The following CASC3 variants were observed in gnomAD, a reference collection of about 807,000 sequenced individuals.
The protein encoded by CASC3 is CASC3 exon junction complex subunit, also known as protein CASC3.
CASC3 carries 30 observed loss-of-function variants against 80.5 expected under a neutral mutation model. The observed-to-expected ratio is 0.37, with a 90% CI of 0.28 to 0.51. CASC3 has a LOEUF of 0.51. CASC3 is among the 20% of genes least tolerant of loss of function. CASC3 has a pLI of 0.94. For synonymous variants in CASC3, 312 were observed against 333.6 expected (o/e 0.94, Z 0.70); for missense variants, 824 against 922.2 (o/e 0.89, Z 1.38).
At chr17:40,168,750 C>T (rs572025074) in intron 11 of CASC3, 13 of 301,654 alleles carry the variant, frequency 4.3e-5, no homozygotes, top group South Asian at 1.2e-4. Context: ...CCACCATGCC[C>T]GGCTAGTTTT....
chr17:40,141,149 T>C (rs1567674717), intron 1 of CASC3, 58 bp from the exon 2 acceptor site: 4 of 1,516,734 alleles, frequency 2.6e-6, no homozygotes, highest in Admixed American at 1.7e-5. Flanking sequence ...CATTTCTTTA[T>C]TGGGCTCCCC....
intron 8 of CASC3, chr17:40,167,086 C>T (rs938520566): frequency 1.5e-5 from 8 of 528,632 alleles, no homozygotes; most frequent in South Asian, 5.4e-5. Flanking sequence ...CTCAGCCTCC[C>T]GAGTAGCTGG....
chr17:40,157,363 A>T (rs142290713), intron 3 of CASC3, among the ~76,000 whole-genome samples: 2,336 of 147,892 alleles, frequency 0.016, 24 homozygotes, highest in African/African-American at 0.035. Flanking sequence ...ATAAATAAAT[A>T]AATAAATTAA....
chr17:40,141,097 C>G, intron 1 of CASC3, 110 bp from the exon 2 acceptor site: 1 of 1,020,072 alleles, frequency 9.8e-7, no homozygotes, highest in Non-Finnish European at 1.6e-6. Flanking sequence ...TCTCTGTCTC[C>G]CTCTCCAACC....
At chr17:40,165,904 C>T (rs1003304534) in intron 7 of CASC3, among the ~76,000 whole-genome samples, 3 of 151,608 alleles carry the variant, frequency 2.0e-5, no homozygotes, top group African/African-American at 7.3e-5. Flanking sequence ...TAGCTAAGAT[C>T]ATAAGCACAC....
chr17:40,148,381 T>C (rs1485462737), intron 3 of CASC3, among the ~76,000 whole-genome samples: 3 of 151,994 alleles, frequency 2.0e-5, no homozygotes, highest in Admixed American at 2.0e-4. Flanking sequence ...TTTTTTTTTT[T>C]TAAGACAGAG....
chr17:40,162,937 A>G, intron 6 of CASC3, 36 bp downstream of exon 6: 1 of 1,595,012 alleles, frequency 6.3e-7, no homozygotes, highest in Admixed American at 1.7e-5. Flanking sequence ...CAGGCTGGGT[A>G]TGGTGGCTTA....
At chr17:40,165,829 G>C (rs932607828) in intron 7 of CASC3, among the ~76,000 whole-genome samples, 1 of 149,438 alleles carries the variant, frequency 6.7e-6, no homozygotes, top group Non-Finnish European at 1.5e-5. Context: ...GCAGTAGCGT[G>C]ACCTTGGCTC....
intron 3 of CASC3, among the ~76,000 whole-genome samples, chr17:40,155,600 G>T (rs962454749): frequency 6.6e-6 from 1 of 152,178 alleles, no homozygotes; most frequent in Non-Finnish European, 1.5e-5. Flanking sequence ...AGGAGCCGGG[G>T]TTTATTAAAA....
At chr17:40,143,084 C>T in intron 3 of CASC3, among the ~76,000 whole-genome samples, 1 of 141,556 alleles carries the variant, frequency 7.1e-6, no homozygotes, top group African/African-American at 2.8e-5. Context: ...GAGACTCTGT[C>T]TCAAAAAAAA....
intron 3 of CASC3, among the ~76,000 whole-genome samples, chr17:40,156,090 A>G (rs1989139333): frequency 6.6e-6 from 1 of 152,238 alleles, no homozygotes; most frequent in Non-Finnish European, 1.5e-5. Context: ...TTAAATCAGT[A>G]CGTGTGTGTA....
Position 40,158,656 on chromosome 17 carries a change from T to C in CASC3, c.298-3097T>C, listed in dbSNP as rs145645728. Among the ~76,000 whole-genome samples the C allele has an allele frequency of 6.2e-4, 94 of 152,272 alleles. 1 individual carries two copies. Among genetic ancestry groups the C allele is most frequent in the Admixed American group, 2.0e-3 (30 of 15,282 alleles). On this transcript the variant is annotated intron_variant, in intron 3 of 13. Transcript: ENST00000264645. ...GTGTGTAGACCCAGCACTTTCTGTG[T>C]CATGAACAGTGTTACCCAATCTTGA... is the stretch of plus-strand genomic sequence containing the variant.
intron 3 of CASC3, among the ~76,000 whole-genome samples, chr17:40,153,147 C>A (rs1287108291): frequency 6.6e-6 from 1 of 152,188 alleles, no homozygotes; most frequent in East Asian, 1.9e-4. Context: ...AGTTTTATAT[C>A]CTTTTACCAC....
chr17:40,145,850 C>T (rs141070367), intron 3 of CASC3, among the ~76,000 whole-genome samples: 1,575 of 151,952 alleles, frequency 0.01, 37 homozygotes, highest in Middle Eastern at 0.034. Context: ...AGGCTGGTCT[C>T]GAACTCCTGA....
intron 7 of CASC3, among the ~76,000 whole-genome samples, chr17:40,164,645 C>G (rs1385256424): frequency 6.6e-6 from 1 of 151,292 alleles, no homozygotes; most frequent in Non-Finnish European, 1.5e-5. Context: ...CCGGGTTTCA[C>G]CATGTTGGCC....
At chr17:40,143,478 C>G (rs1296022673) in intron 3 of CASC3, among the ~76,000 whole-genome samples, 2 of 151,834 alleles carry the variant, frequency 1.3e-5, no homozygotes, top group African/African-American at 4.8e-5. Flanking sequence ...TGACTAAGAT[C>G]TAGAATTTCA....
At chr17:40,160,653 T>C (rs1186054532) in intron 3 of CASC3, among the ~76,000 whole-genome samples, 2 of 152,178 alleles carry the variant, frequency 1.3e-5, no homozygotes, top group African/African-American at 4.8e-5. Flanking sequence ...GTTTTGCTTT[T>C]TCGAGATGGA....
chr17:40,165,025 A>G (rs1461792169), intron 7 of CASC3, among the ~76,000 whole-genome samples: 1 of 147,260 alleles, frequency 6.8e-6, no homozygotes, highest in Non-Finnish European at 1.5e-5. Flanking sequence ...GGTTCACGCC[A>G]TTCTCCTGCC....
chr17:40,166,925 T>A, intron 8 of CASC3, 64 bp downstream of exon 8: 1 of 1,165,790 alleles, frequency 8.6e-7, no homozygotes, highest in Non-Finnish European at 1.2e-6. Flanking sequence ...GTTCATTGTT[T>A]AAACCAAGAT....
Sources: allele counts gnomAD v4.1 joint callset (sites outside exome capture counted in the v4.1 genomes callset), GRCh38; gene constraint gnomAD v4.1.1; transcripts MANE v1.5; gene names NCBI Gene and HGNC (gene_info 2026-07-23, HGNC 2026-07-21).